ANKRD30B: variants seen among roughly 807,000 people sequenced by gnomAD.
ANKRD30B encodes the protein ankyrin repeat domain 30B.
In ANKRD30B, 144 loss-of-function variants were observed where a neutral mutation model predicts 202.2. The observed-to-expected ratio is 0.71, with a 90% CI of 0.62 to 0.82. The LOEUF (loss-of-function observed/expected upper bound fraction) is 0.82, where lower values mean the gene tolerates loss of function less well. ANKRD30B is among the 40% of genes least tolerant of loss of function. The probability of loss-of-function intolerance (pLI) is 0.00; values close to 1 mark genes in which losing one functional copy is unlikely to be tolerated. For synonymous variants in ANKRD30B, 508 were observed against 561.3 expected (o/e 0.91, Z 1.34); for missense variants, 1,487 against 1,669.1 (o/e 0.89, Z 1.90).
Position 14,808,339 on chromosome 18 carries a change from G to A in ANKRD30B, c.2285-212G>A, listed in dbSNP as rs1006872116. ...TTGACTGTTGAAATCTTCATAGCAC[G>A]TTTGATGAAATTTATTTTTTAAATT... On this transcript the variant is annotated intron_variant, in intron 24 of 43. Transcript: ENST00000690538. The A allele has an allele frequency of 6.3e-5, 37 of 585,088 alleles. 1 individual carries two copies. The highest frequency in any genetic ancestry group is 5.1e-4 in the African/African-American group (27 of 53,452). 36.2% of individuals were successfully genotyped at this position (585,088 alleles called of 1,614,324 possible).
rs781494255 is a variant in ANKRD30B, at chr18:14,837,203, T to G, written c.2848-8T>G. The G allele has an allele frequency of 7.2e-6, 11 of 1,527,604 alleles. No homozygotes were observed. In the South Asian group the frequency reaches 1.4e-4, roughly 19 times the overall value. 94.6% of individuals were successfully genotyped at this position (1,527,604 alleles called of 1,614,324 possible). On this transcript the variant is annotated splice_polypyrimidine_tract_variant and splice_region_variant and intron_variant, in intron 34 of 43. Coordinates refer to ENST00000690538, the MANE Select transcript of ANKRD30B (RefSeq NM_001367607.2). Reference sequence around the variant, plus strand: ...TTGTGTTTGCTTTCTGTGTTTTGTTTGTAATAGGAGGGAGCAACAAAGACA... The same window carrying G: ...TTGTGTTTGCTTTCTGTGTTTTGTTGGTAATAGGAGGGAGCAACAAAGACA...
the ANKRD30B span, among the ~76,000 whole-genome samples, chr18:14,868,834 G>T: frequency 6.6e-6 from 1 of 152,298 alleles, no homozygotes; most frequent in Non-Finnish European, 1.5e-5. Flanking sequence ...ATTCTGTTCT[G>T]CCTGCTGCTC....
chr18:14,837,127 C>A, intron 34 of ANKRD30B, 84 bp from the exon 35 acceptor site: 7 of 791,524 alleles, frequency 8.8e-6, no homozygotes. Flanking sequence ...GTCTTTCTGA[C>A]AAATTGATTG....
chr18:14,764,612 A>G (rs540105826), intron 7 of ANKRD30B, among the ~76,000 whole-genome samples: 3 of 151,606 alleles, frequency 2.0e-5, no homozygotes, highest in African/African-American at 4.8e-5. Context: ...CCAAACTCCA[A>G]CTCCTGACCT....
At chr18:14,926,330 G>A in the ANKRD30B span, among the ~76,000 whole-genome samples, 1 of 152,190 alleles carries the variant, frequency 6.6e-6, no homozygotes, top group Admixed American at 6.5e-5. Context: ...CAGAATAATG[G>A]CCAGGCCAGA....
chr18:14,907,705 C>T, the ANKRD30B span, among the ~76,000 whole-genome samples: 1 of 152,304 alleles, frequency 6.6e-6, no homozygotes, highest in East Asian at 1.9e-4. Context: ...ACAGAGAAGA[C>T]ACTGCGTCCT....
chr18:14,937,480 A>G, the ANKRD30B span, among the ~76,000 whole-genome samples: 4 of 152,220 alleles, frequency 2.6e-5, no homozygotes, highest in Admixed American at 6.5e-5. Context: ...CCTCCCGCCC[A>G]TGGTAACAAG....
the ANKRD30B span, among the ~76,000 whole-genome samples, chr18:14,884,636 T>C: frequency 6.6e-6 from 1 of 151,874 alleles, no homozygotes; most frequent in African/African-American, 2.4e-5. Flanking sequence ...ATTTGGAAAA[T>C]GCAACCACAT....
At chr18:14,760,128 G>A (rs992398188) in intron 5 of ANKRD30B, among the ~76,000 whole-genome samples, 2 of 152,128 alleles carry the variant, frequency 1.3e-5, no homozygotes, top group Admixed American at 6.5e-5. Context: ...CTATTTCTTT[G>A]AGCATTTTAA....
intron 7 of ANKRD30B, among the ~76,000 whole-genome samples, chr18:14,767,452 G>A (rs949591199): frequency 1.6e-4 from 25 of 152,156 alleles, no homozygotes; most frequent in African/African-American, 5.8e-4. Flanking sequence ...TGTAATCAAA[G>A]TTAGGTGAAT....
rs1296992073 is a variant in ANKRD30B, at chr18:14,837,303, T to G, written c.2926+14T>G. On this transcript the variant is annotated intron_variant, in intron 35 of 43. Transcript: ENST00000690538. The stretch of plus-strand genomic sequence containing the variant: ...AAGATCAAACAAGTAATGACAATTT[T>G]ATTTTTTATACCAAAATAATAGAAA... 6.6e-7 allele frequency: 1 copy of G among 1,513,800 alleles called. No homozygotes were observed. Among genetic ancestry groups the G allele is most frequent in the African/African-American group, 1.4e-5 (1 of 71,698 alleles). 93.8% of individuals were successfully genotyped at this position (1,513,800 alleles called of 1,614,324 possible).
At chr18:14,911,919 C>T in the ANKRD30B span, among the ~76,000 whole-genome samples, 1 of 152,118 alleles carries the variant, frequency 6.6e-6, no homozygotes, top group African/African-American at 2.4e-5. Context: ...CGGTCCTCTG[C>T]TAGACTGTTA....
intron 30 of ANKRD30B, among the ~76,000 whole-genome samples, chr18:14,818,892 G>T (rs1273459842): frequency 4.6e-5 from 7 of 151,800 alleles, no homozygotes; most frequent in African/African-American, 1.7e-4. Flanking sequence ...TGGGATGGCT[G>T]GGTCAAATGG....
chr18:14,800,464 C>T (rs1241821650), intron 22 of ANKRD30B, among the ~76,000 whole-genome samples: 1 of 150,762 alleles, frequency 6.6e-6, no homozygotes, highest in Non-Finnish European at 1.5e-5. Flanking sequence ...AGCTGGGAAT[C>T]CAGACGCCTA....
intron 39 of ANKRD30B, among the ~76,000 whole-genome samples, chr18:14,844,402 T>C (rs1453135641): frequency 2.6e-5 from 4 of 152,208 alleles, no homozygotes; most frequent in Non-Finnish European, 5.9e-5. Context: ...ATTATTTCCC[T>C]GAAACAGTGC....
At chr18:14,842,422 A>T (rs902289525) in intron 37 of ANKRD30B, among the ~76,000 whole-genome samples, 1 of 152,202 alleles carries the variant, frequency 6.6e-6, no homozygotes, top group Non-Finnish European at 1.5e-5. Flanking sequence ...TTCTGCATTC[A>T]GCTGAACTCT....
chr18:14,871,450 A>T, the ANKRD30B span, among the ~76,000 whole-genome samples: 4 of 151,354 alleles, frequency 2.6e-5, 1 homozygote, highest in South Asian at 8.4e-4. Context: ...TACTAGGCTG[A>T]TGGGGACAAA....
At chr18:14,765,872 C>G (rs1357377487) in intron 7 of ANKRD30B, among the ~76,000 whole-genome samples, 1 of 151,998 alleles carries the variant, frequency 6.6e-6, no homozygotes, top group Non-Finnish European at 1.5e-5. Flanking sequence ...CTTTCTTTGC[C>G]ATTATTTTAT....
intron 42 of ANKRD30B, chr18:14,852,707 A>C (rs1223746936): frequency 4.7e-6 from 1 of 214,626 alleles, no homozygotes; most frequent in African/African-American, 2.3e-5. Context: ...TAAAGGTTTT[A>C]ATGTCTCTTT....
Sources: gnomAD v4.1 joint callset for allele counts (sites outside exome capture counted in the v4.1 genomes callset) on GRCh38, gnomAD v4.1.1 for gene constraint, MANE v1.5 for transcripts, NCBI Gene and HGNC (gene_info 2026-07-23, HGNC 2026-07-21) for gene names.